FERMT2: variants seen among roughly 807,000 people sequenced by gnomAD.
FERMT2 encodes the protein fermitin family homolog 2.
In FERMT2, 15 loss-of-function variants were observed where a neutral mutation model predicts 82.7. That is an observed-to-expected ratio of 0.18 (90% CI 0.12 to 0.28). The LOEUF is 0.28. Among genes scored for constraint, FERMT2 ranks in the 10% least tolerant of loss-of-function variants. The pLI is 1.00. For synonymous variants in FERMT2, 274 were observed against 271.5 expected (o/e 1.01, Z -0.09); for missense variants, 645 against 809.4 (o/e 0.80, Z 2.46).
rs1212134931 is a variant in FERMT2, at chr14:52,858,217, G to A, written c.*160C>T. The A allele has an allele frequency of 1.2e-5, 7 of 596,726 alleles. No individual in the cohort carries two copies. The highest frequency in any genetic ancestry group is 2.3e-5 in the South Asian group (1 of 43,706). 37.0% of individuals were successfully genotyped at this position (596,726 alleles called of 1,614,324 possible). On this transcript the variant is annotated 3_prime_UTR_variant, in exon 15 of 15. Transcript: ENST00000341590. Reference sequence around the variant, plus strand: ...ATCATAACATGATAGATTAATAGTCGTGCTTGTTTAGTGCACATATTAACT... The same window carrying A: ...ATCATAACATGATAGATTAATAGTCATGCTTGTTTAGTGCACATATTAACT...
At chr14:52,945,732 T>C (rs766896394) in intron 2 of FERMT2, among the ~76,000 whole-genome samples, 10 of 152,236 alleles carry the variant, frequency 6.6e-5, no homozygotes, top group Non-Finnish European at 1.2e-4. Context: ...TTTTCCTCTC[T>C]GCTCACAGAG....
intron 6 of FERMT2, among the ~76,000 whole-genome samples, chr14:52,879,356 T>G (rs1886162860): frequency 1.3e-5 from 2 of 152,210 alleles, no homozygotes; most frequent in African/African-American, 2.4e-5. Context: ...GTGTTGAATT[T>G]AGAATTTTTA....
intron 3 of FERMT2, among the ~76,000 whole-genome samples, chr14:52,902,796 G>A (rs1469460983): frequency 2.0e-5 from 3 of 147,380 alleles, no homozygotes; most frequent in African/African-American, 7.5e-5. Context: ...TTGAACCCAG[G>A]AGGTGGAGGC....
chr14:52,871,315 C>T (rs1885608648), intron 10 of FERMT2: 1 of 152,188 alleles, frequency 6.6e-6, no homozygotes, highest in Non-Finnish European at 1.5e-5. Context: ...GACTGTGGAA[C>T]AGACAGTGCA....
intron 3 of FERMT2, among the ~76,000 whole-genome samples, chr14:52,905,847 T>C (rs62003536): frequency 2.0e-5 from 3 of 152,182 alleles, no homozygotes; most frequent in Non-Finnish European, 4.4e-5. Context: ...GTTTTGTTAT[T>C]ATATGTAATG....
intron 2 of FERMT2, among the ~76,000 whole-genome samples, chr14:52,938,249 A>C (rs1031266635): frequency 2.0e-5 from 3 of 152,236 alleles, no homozygotes; most frequent in African/African-American, 7.2e-5. Flanking sequence ...GTTTATGGTT[A>C]AATACTACAT....
rs75842223 is a variant in FERMT2 at position 52,857,547 on chromosome 14, A to C, written c.*830T>G. On this transcript the variant is annotated 3_prime_UTR_variant, in exon 15 of 15. Coordinates refer to ENST00000341590, the MANE Select transcript of FERMT2 (RefSeq NM_006832.3). ...GATATTAAAACTGCACGTTAATTAT[A>C]TCTCTTAAAGGCATTTAATTAACGC... 2,467 of 152,778 alleles carry C rather than the reference A, an allele frequency of 0.016. 28 individuals are homozygous for C. The highest frequency in any genetic ancestry group is 0.026 in the Non-Finnish European group (1,762 of 68,040). The allele number at this position is 152,778 out of a possible 1,614,324, so 9.5% of individuals were successfully genotyped here.
chr14:52,901,529 C>T (rs543381413), intron 3 of FERMT2, among the ~76,000 whole-genome samples: 1 of 152,176 alleles, frequency 6.6e-6, no homozygotes, highest in East Asian at 1.9e-4. Flanking sequence ...TCACATGAGG[C>T]CTCCAGCACA....
chr14:52,922,984 T>G, intron 2 of FERMT2, among the ~76,000 whole-genome samples: 1 of 152,200 alleles, frequency 6.6e-6, no homozygotes. Context: ...GGTTATATGG[T>G]ATGGCCTCTT....
chr14:52,945,800 T>C (rs1465538494), intron 2 of FERMT2, among the ~76,000 whole-genome samples: 1 of 152,166 alleles, frequency 6.6e-6, no homozygotes, highest in Admixed American at 6.5e-5. Context: ...TTATTCTCCG[T>C]TTAAAATGAA....
rs1884687570 is a variant in FERMT2 at position 52,858,203 on chromosome 14, ATAGAT to A, written c.*169_*173del. On this transcript the variant is annotated 3_prime_UTR_variant, in exon 15 of 15. Transcript: ENST00000341590. ...TTCAAGTTTATTATATCATAACATG[ATAGAT>A]TAATAGTCGTGCTTGTTTAGTGCAC... 3.4e-6 allele frequency: 2 copies of A among 579,880 alleles called. No homozygotes were observed. The highest frequency in any genetic ancestry group is 6.1e-6 in the Non-Finnish European group (2 of 327,210). The allele number at this position is 579,880 out of a possible 1,614,324, so 35.9% of individuals were successfully genotyped here. A position where few individuals can be genotyped will look rare whatever the true frequency, so the allele number is the denominator to read the frequency against.
At chr14:52,897,298 T>C (rs1433746738) in intron 3 of FERMT2, among the ~76,000 whole-genome samples, 2 of 152,170 alleles carry the variant, frequency 1.3e-5, no homozygotes, top group Middle Eastern at 3.2e-3. Flanking sequence ...TCTATGTCCA[T>C]CTTTTTCCAT....
intron 13 of FERMT2, chr14:52,860,021 G>C: frequency 7.3e-6 from 2 of 274,822 alleles, no homozygotes; most frequent in Non-Finnish European, 6.8e-6. Flanking sequence ...GTTTCACCGT[G>C]TTAGCCAGGA....
In FERMT2 at chr14:52,919,360, T is replaced by C; in HGVS notation, c.158-4A>G. The C allele has an allele frequency of 1.3e-6, 2 of 1,571,028 alleles. No homozygotes were observed. Among genetic ancestry groups the C allele is most frequent in the East Asian group, 2.3e-5 (1 of 44,310 alleles). Reference sequence around the variant, plus strand: ...TCAGACCAATCTTTTTTTACATCTATAAAAAACAAACAATAAACAAATCAC... The same window carrying C: ...TCAGACCAATCTTTTTTTACATCTACAAAAAACAAACAATAAACAAATCAC... On this transcript the variant is annotated splice_region_variant and splice_polypyrimidine_tract_variant and intron_variant, in intron 2 of 14. Transcript: ENST00000341590.
chr14:52,868,365 T>C lies in FERMT2; in HGVS notation c.1274-3512A>G, dbSNP rs190633521. Among the ~76,000 whole-genome samples, 1,035 of 152,150 alleles carry C rather than the reference T, an allele frequency of 6.8e-3. 20 individuals are homozygous for C. Among genetic ancestry groups the C allele is most frequent in the African/African-American group, 0.024 (980 of 41,504 alleles). On this transcript the variant is annotated intron_variant, in intron 10 of 14. Coordinates refer to ENST00000341590, the MANE Select transcript of FERMT2 (RefSeq NM_006832.3). ...TTGGCTCTCCATCCCCGATGAAGTC[T>C]CTCCATCCTCACTGAAGATTAAGTT...
rs1327977733 is a variant in FERMT2 at position 52,858,267 on chromosome 14, C to G, written c.*110G>C. On this transcript the variant is annotated 3_prime_UTR_variant, in exon 15 of 15. Coordinates refer to ENST00000341590, the MANE Select transcript of FERMT2 (RefSeq NM_006832.3). Reference sequence around the variant, plus strand: ...TGGTCTGGTAAGGCAAAGAAGTTTTCATGATAAAATGATAAATTTCAAGCT... The same window carrying G: ...TGGTCTGGTAAGGCAAAGAAGTTTTGATGATAAAATGATAAATTTCAAGCT... 4.8e-5 allele frequency: 46 copies of G among 968,072 alleles called. No homozygotes were observed. Among genetic ancestry groups the G allele is most frequent in the Non-Finnish European group, 7.2e-5 (46 of 637,378 alleles). 60.0% of individuals were successfully genotyped at this position (968,072 alleles called of 1,614,324 possible). A position where few individuals can be genotyped will look rare whatever the true frequency, so the allele number is the denominator to read the frequency against.
At chr14:52,916,342 CA>C (rs1291493727) in intron 3 of FERMT2, among the ~76,000 whole-genome samples, 7 of 108,608 alleles carry the variant, frequency 6.4e-5, no homozygotes, top group South Asian at 2.8e-4. Context: ...AGACTCGTCT[CA>C]AAAAAAAAAG....
chr14:52,909,525 T>G (rs993008680), intron 3 of FERMT2, among the ~76,000 whole-genome samples: 1 of 152,208 alleles, frequency 6.6e-6, no homozygotes, highest in Non-Finnish European at 1.5e-5. Flanking sequence ...TGGTGGCTAA[T>G]GCGTGTAATC....
At chr14:52,939,092 C>T (rs1273381499) in intron 2 of FERMT2, among the ~76,000 whole-genome samples, 2 of 149,186 alleles carry the variant, frequency 1.3e-5, no homozygotes, top group African/African-American at 2.5e-5. Context: ...TGGTGGCTCA[C>T]GTCTGTAATC....
Sources: gnomAD v4.1 joint callset for allele counts (sites outside exome capture counted in the v4.1 genomes callset) on GRCh38, gnomAD v4.1.1 for gene constraint, MANE v1.5 for transcripts, NCBI Gene and HGNC (gene_info 2026-07-23, HGNC 2026-07-21) for gene names.